BMAL2: variants seen among roughly 807,000 people sequenced by gnomAD.
BMAL2 encodes basic helix-loop-helix ARNT-like protein 2.
the BMAL2 span, among the ~76,000 whole-genome samples, chr12:27,374,549 A>G: frequency 6.6e-6 from 1 of 152,332 alleles, no homozygotes; most frequent in East Asian, 1.9e-4. Context: ...CCAGACTATT[A>G]GGAAGAAAAT....
At chr12:27,403,150 T>C in the BMAL2 span, among the ~76,000 whole-genome samples, 2 of 152,228 alleles carry the variant, frequency 1.3e-5, no homozygotes, top group Non-Finnish European at 2.9e-5. Flanking sequence ...AATGTATTAT[T>C]TGTAAAAATA....
the BMAL2 span, chr12:27,368,482 A>G: frequency 6.5e-7 from 1 of 1,526,796 alleles, no homozygotes; most frequent in Admixed American, 1.8e-5. Context: ...TATTCCTTTT[A>G]AAATCATTAA....
At chr12:27,394,604 T>C in the BMAL2 span, 1 of 152,246 alleles carries the variant, frequency 6.6e-6, no homozygotes, top group Non-Finnish European at 1.5e-5. Context: ...TGAATATACA[T>C]TATAATCTTT....
At chr12:27,357,136 C>A in the BMAL2 span, among the ~76,000 whole-genome samples, 1 of 152,092 alleles carries the variant, frequency 6.6e-6, no homozygotes, top group Non-Finnish European at 1.5e-5. Flanking sequence ...ATCACAATTT[C>A]TTTATCCACT....
chr12:27,413,042 G>C, the BMAL2 span, among the ~76,000 whole-genome samples: 1 of 151,762 alleles, frequency 6.6e-6, no homozygotes, highest in East Asian at 1.9e-4. Context: ...ATGTGGTAAG[G>C]CTGTCCTTCA....
the BMAL2 span, among the ~76,000 whole-genome samples, chr12:27,346,596 T>G: frequency 1.3e-5 from 2 of 152,262 alleles, no homozygotes; most frequent in East Asian, 3.9e-4. Context: ...ACTCCCACCC[T>G]TTGCCATGAT....
chr12:27,389,349 T>G, the BMAL2 span: 1 of 1,245,548 alleles, frequency 8.0e-7, no homozygotes, highest in Non-Finnish European at 1.2e-6. Context: ...AATGATCACC[T>G]AAAAGTTTAG....
chr12:27,409,578 T>A, the BMAL2 span, among the ~76,000 whole-genome samples: 1,117 of 152,318 alleles, frequency 7.3e-3, 14 homozygotes, highest in African/African-American at 0.025. Flanking sequence ...TCCTTACACC[T>A]TATACAAAAA....
the BMAL2 span, chr12:27,400,710 G>A: frequency 6.2e-7 from 1 of 1,613,596 alleles, no homozygotes; most frequent in Non-Finnish European, 8.5e-7. Flanking sequence ...AGAGATTAAT[G>A]TGAAACCAAC....
the BMAL2 span, among the ~76,000 whole-genome samples, chr12:27,383,263 A>G: frequency 1.3e-5 from 2 of 152,234 alleles, no homozygotes; most frequent in African/African-American, 4.8e-5. Context: ...GTTAAGAGTA[A>G]AGAGTAATGC....
the BMAL2 span, among the ~76,000 whole-genome samples, chr12:27,416,280 A>T: frequency 1.3e-5 from 2 of 152,144 alleles, no homozygotes; most frequent in Non-Finnish European, 2.9e-5. Context: ...TAAATACATA[A>T]ACAAAAACTC....
At chr12:27,380,322 C>G in the BMAL2 span, 105 of 1,613,632 alleles carry the variant, frequency 6.5e-5, no homozygotes, top group Non-Finnish European at 8.7e-5. Flanking sequence ...CTGCAATGAT[C>G]CCTCAGTGCA....
At chr12:27,409,893 T>G in the BMAL2 span, among the ~76,000 whole-genome samples, 1 of 151,868 alleles carries the variant, frequency 6.6e-6, no homozygotes, top group Non-Finnish European at 1.5e-5. Flanking sequence ...CCAACAAATT[T>G]ACAAGAAAAA....
chr12:27,405,183 C>A, the BMAL2 span, among the ~76,000 whole-genome samples: 2 of 152,160 alleles, frequency 1.3e-5, no homozygotes, highest in Middle Eastern at 3.2e-3. Flanking sequence ...CAGGGCATAG[C>A]CAAACAAAAG....
At chr12:27,336,377 C>A in the BMAL2 span, among the ~76,000 whole-genome samples, 75 of 152,286 alleles carry the variant, frequency 4.9e-4, no homozygotes, top group African/African-American at 1.8e-3. Flanking sequence ...TGCCTCACCC[C>A]TTCCCAGTGG....
chr12:27,346,668 T>C, the BMAL2 span, among the ~76,000 whole-genome samples: 19,271 of 152,202 alleles, frequency 0.13, 1,408 homozygotes, highest in Non-Finnish European at 0.17. Context: ...TTTCCCATAG[T>C]CTGCTGTCAG....
chr12:27,352,609 GAGAA>G, the BMAL2 span, among the ~76,000 whole-genome samples: 3 of 152,104 alleles, frequency 2.0e-5, no homozygotes, highest in African/African-American at 4.8e-5. Context: ...AGTCAGGCAA[GAGAA>G]AGAAAGAAAA....
the BMAL2 span, chr12:27,401,649 A>G: frequency 4.4e-6 from 7 of 1,603,868 alleles, no homozygotes; most frequent in East Asian, 6.7e-5. Context: ...ACTGGAATAT[A>G]TTGTATCTGT....
At chr12:27,379,167 C>A in the BMAL2 span, among the ~76,000 whole-genome samples, 1 of 152,128 alleles carries the variant, frequency 6.6e-6, no homozygotes, top group Non-Finnish European at 1.5e-5. Flanking sequence ...CCAAGATAAA[C>A]CCTATAGAAG....
Sources: gnomAD v4.1 joint callset for allele counts (sites outside exome capture counted in the v4.1 genomes callset) on GRCh38, gnomAD v4.1.1 for gene constraint, MANE v1.5 for transcripts, NCBI Gene and HGNC (gene_info 2026-07-23, HGNC 2026-07-21) for gene names.